MLLT3: variants seen among roughly 807,000 people sequenced by gnomAD.
MLLT3 encodes protein AF-9.
A neutral mutation model predicts 53.2 loss-of-function variants in MLLT3; 4 were observed. The ratio of observed to expected loss-of-function variants is 0.08; its 90% CI spans 0.04 to 0.17. MLLT3 has a LOEUF of 0.17. Among genes scored for constraint, MLLT3 ranks in the 10% least tolerant of loss-of-function variants. The probability of loss-of-function intolerance (pLI) is 1.00; values close to 1 mark genes in which losing one functional copy is unlikely to be tolerated. For missense variants in MLLT3, 569 were observed against 684.0 expected (o/e 0.83, Z 1.87); for synonymous variants, 283 against 230.6 (o/e 1.23, Z -2.06).
chr9:20,368,257 T>G (rs1419383919), intron 5 of MLLT3, among the ~76,000 whole-genome samples: 3 of 152,228 alleles, frequency 2.0e-5, no homozygotes, highest in Admixed American at 1.3e-4. Context: ...CAGTTGGCAT[T>G]TATGTGCACT....
At position 20,354,757 on chromosome 9, in the gene MLLT3, C is replaced by T. The variant is rs74849667; in HGVS notation, c.1503+51G>A. The T allele has an allele frequency of 1.7e-3, 2,019 of 1,214,364 alleles. 13 individuals are homozygous for T. The highest frequency in any genetic ancestry group is 0.014 in the African/African-American group (943 of 65,824). The allele number at this position is 1,214,364 out of a possible 1,614,324, so 75.2% of individuals were successfully genotyped here. On this transcript the variant is annotated intron_variant, in intron 9 of 10. Coordinates refer to ENST00000380338, the MANE Select transcript of MLLT3 (RefSeq NM_004529.4). ...GATGATCAAGGGCAACACAAAGAAA[C>T]GGAAGGCTTGTCAGTGTTGGAGCCC...
At position 20,346,444 on chromosome 9, in the gene MLLT3, C is replaced by T. The variant is rs1820871905; in HGVS notation, c.1706G>A (p.Ter569=). The stretch of plus-strand genomic sequence containing the variant: ...TTGATGCATCCAGTTGTTATATCCT[C>T]AGGATGTTCCAGATGTTTCCAGGTA... The part of the protein sequence containing the change: ...QSYLETSGTS[*] Residue 569 remains the stop codon, a stop_retained_variant, in exon 11 of 11, where the codon TGA becomes TAA. Coordinates refer to ENST00000380338, the MANE Select transcript of MLLT3 (RefSeq NM_004529.4). 1 of 1,608,534 alleles carries T rather than the reference C, an allele frequency of 6.2e-7. No homozygotes were observed. Among genetic ancestry groups the T allele is most frequent in the Non-Finnish European group, 8.5e-7 (1 of 1,178,098 alleles).
intron 2 of MLLT3, among the ~76,000 whole-genome samples, chr9:20,587,205 A>G (rs1819994136): frequency 6.6e-6 from 1 of 151,618 alleles, no homozygotes; most frequent in Non-Finnish European, 1.5e-5. Flanking sequence ...AAAAAAAACA[A>G]CTTCCCAATA....
intron 8 of MLLT3, among the ~76,000 whole-genome samples, chr9:20,359,585 G>A (rs1821266597): frequency 6.6e-6 from 1 of 152,186 alleles, no homozygotes; most frequent in African/African-American, 2.4e-5. Flanking sequence ...TTGCATTATA[G>A]ACAAACCTTA....
chr9:20,429,751 AAAAC>A (rs1299852722), intron 4 of MLLT3, among the ~76,000 whole-genome samples: 2 of 152,324 alleles, frequency 1.3e-5, no homozygotes, highest in South Asian at 2.1e-4. Context: ...TCAAAAAATG[AAAAC>A]AAACAAAATT....
At chr9:20,411,550 G>A (rs946747246) in intron 5 of MLLT3, among the ~76,000 whole-genome samples, 1 of 152,162 alleles carries the variant, frequency 6.6e-6, no homozygotes, top group Admixed American at 6.5e-5. Context: ...GGCTTTCTCA[G>A]CAATGCTATG....
intron 2 of MLLT3, among the ~76,000 whole-genome samples, chr9:20,534,257 A>G (rs1331716638): frequency 2.0e-5 from 3 of 152,230 alleles, no homozygotes; most frequent in Admixed American, 2.0e-4. Context: ...CCAACTTTTA[A>G]AAAGCAAGTC....
chr9:20,435,911 C>T (rs889034500), intron 4 of MLLT3, among the ~76,000 whole-genome samples: 3 of 152,086 alleles, frequency 2.0e-5, no homozygotes, highest in East Asian at 1.9e-4. Context: ...GGACTGTACA[C>T]GCATGGCGGG....
At chr9:20,556,011 T>C (rs1819047933) in intron 2 of MLLT3, among the ~76,000 whole-genome samples, 1 of 152,168 alleles carries the variant, frequency 6.6e-6, no homozygotes, top group African/African-American at 2.4e-5. Flanking sequence ...CCTTTTTCAT[T>C]TTTGACAAGT....
At chr9:20,518,844 G>A (rs1460316873) in intron 2 of MLLT3, among the ~76,000 whole-genome samples, 1 of 152,176 alleles carries the variant, frequency 6.6e-6, no homozygotes, top group Non-Finnish European at 1.5e-5. Flanking sequence ...TCAAGGTCAT[G>A]AAAGACAAAG....
chr9:20,484,100 T>G (rs756361523), intron 2 of MLLT3, among the ~76,000 whole-genome samples: 1 of 151,824 alleles, frequency 6.6e-6, no homozygotes, highest in Non-Finnish European at 1.5e-5. Flanking sequence ...TAAAATACAA[T>G]AGTGATATAA....
At chr9:20,421,384 A>G (rs1302877761) in intron 4 of MLLT3, among the ~76,000 whole-genome samples, 1 of 152,176 alleles carries the variant, frequency 6.6e-6, no homozygotes, top group Non-Finnish European at 1.5e-5. Context: ...GAAAATTCAT[A>G]GCCTTTATTG....
At chr9:20,531,425 T>A (rs537732116) in intron 2 of MLLT3, among the ~76,000 whole-genome samples, 55 of 152,334 alleles carry the variant, frequency 3.6e-4, no homozygotes, top group Admixed American at 2.2e-3. Context: ...TGTGAGCCAC[T>A]GTACCTGGCC....
chr9:20,438,206 A>T (rs545345248), intron 4 of MLLT3, among the ~76,000 whole-genome samples: 75 of 152,258 alleles, frequency 4.9e-4, no homozygotes, highest in Admixed American at 2.3e-3. Context: ...AACTCTGTCT[A>T]GACTATATCA....
At chr9:20,418,360 T>C (rs1452698100) in intron 4 of MLLT3, 1 of 152,274 alleles carries the variant, frequency 6.6e-6, no homozygotes, top group African/African-American at 2.4e-5. Flanking sequence ...ATGAGGTTTA[T>C]GCGAGGCACA....
intron 2 of MLLT3, among the ~76,000 whole-genome samples, chr9:20,597,649 G>T (rs575685630): frequency 6.6e-6 from 1 of 152,130 alleles, no homozygotes; most frequent in African/African-American, 2.4e-5. Context: ...GTCATGTATT[G>T]CACTTGACCA....
At chr9:20,584,233 G>C (rs565548546) in intron 2 of MLLT3, among the ~76,000 whole-genome samples, 15 of 152,202 alleles carry the variant, frequency 9.9e-5, no homozygotes, top group Admixed American at 3.3e-4. Context: ...CTCCATCTGA[G>C]ACCACCTCAG....
intron 4 of MLLT3, among the ~76,000 whole-genome samples, chr9:20,425,166 A>T (rs889247431): frequency 2.6e-5 from 4 of 152,186 alleles, no homozygotes; most frequent in African/African-American, 9.6e-5. Flanking sequence ...TACATTAAAC[A>T]TCTAGAAAGT....
intron 10 of MLLT3, among the ~76,000 whole-genome samples, chr9:20,347,993 A>C (rs1820920397): frequency 6.6e-6 from 1 of 152,198 alleles, no homozygotes; most frequent in Non-Finnish European, 1.5e-5. Flanking sequence ...GTGGCTCTTA[A>C]TAGAAAATGT....
Sources: allele counts gnomAD v4.1 joint callset (sites outside exome capture counted in the v4.1 genomes callset), GRCh38; gene constraint gnomAD v4.1.1; transcripts MANE v1.5; gene names NCBI Gene and HGNC (gene_info 2026-07-23, HGNC 2026-07-21).